SLAIN1: variants seen among roughly 807,000 people sequenced by gnomAD.
The protein encoded by SLAIN1 is SLAIN family member 1.
Under a neutral mutation model 55.4 loss-of-function variants are expected in SLAIN1, and 17 were observed. The observed-to-expected ratio is 0.31, with a 90% CI of 0.21 to 0.46. SLAIN1 has a LOEUF of 0.46. SLAIN1 is among the 20% of genes least tolerant of loss of function. The probability of loss-of-function intolerance (pLI) is 1.00; values close to 1 mark genes in which losing one functional copy is unlikely to be tolerated. For synonymous variants in SLAIN1, 348 were observed against 337.4 expected (o/e 1.03, Z -0.35); for missense variants, 682 against 785.1 (o/e 0.87, Z 1.57).
intron 4 of SLAIN1, among the ~76,000 whole-genome samples, chr13:77,749,915 G>A (rs1474920077): frequency 6.6e-6 from 1 of 152,144 alleles, no homozygotes; most frequent in Non-Finnish European, 1.5e-5. Context: ...GTAAAGATTG[G>A]TTTTAAAGAC....
At chr13:77,703,639 G>A (rs1391479503) in intron 1 of SLAIN1, among the ~76,000 whole-genome samples, 2 of 151,894 alleles carry the variant, frequency 1.3e-5, no homozygotes, top group Non-Finnish European at 2.9e-5. Context: ...AGTAAGTAAC[G>A]CTTGAACTTC....
chr13:77,748,320 C>G (rs1035340464), intron 4 of SLAIN1, among the ~76,000 whole-genome samples: 1 of 142,160 alleles, frequency 7.0e-6, no homozygotes, highest in Non-Finnish European at 1.5e-5. Flanking sequence ...ATCAGAAAGA[C>G]AATGTATTCC....
At chr13:77,725,963 C>T (rs563285075) in intron 2 of SLAIN1, among the ~76,000 whole-genome samples, 139 of 152,316 alleles carry the variant, frequency 9.1e-4, no homozygotes, top group African/African-American at 3.2e-3. Flanking sequence ...TCTTGCAGGG[C>T]CCAGGCCTAT....
At chr13:77,756,974 T>C (rs751454052) in intron 5 of SLAIN1, among the ~76,000 whole-genome samples, 2 of 152,150 alleles carry the variant, frequency 1.3e-5, no homozygotes, top group Non-Finnish European at 2.9e-5. Flanking sequence ...ACATATGCAC[T>C]TTGAAAATTC....
intron 1 of SLAIN1, among the ~76,000 whole-genome samples, chr13:77,702,794 A>T (rs957516333): frequency 3.9e-5 from 6 of 152,202 alleles, no homozygotes; most frequent in Admixed American, 2.0e-4. Flanking sequence ...CCAGCATTTT[A>T]AAAAAGTGAA....
At chr13:77,747,224 C>T (rs923745305) in intron 4 of SLAIN1, among the ~76,000 whole-genome samples, 2 of 151,920 alleles carry the variant, frequency 1.3e-5, no homozygotes, top group Non-Finnish European at 2.9e-5. Context: ...ATGACAGCCA[C>T]CATACCCGGC....
At chr13:77,702,502 A>G (rs2091040885) in intron 1 of SLAIN1, among the ~76,000 whole-genome samples, 1 of 152,074 alleles carries the variant, frequency 6.6e-6, no homozygotes, top group African/African-American at 2.4e-5. Flanking sequence ...CAGAGTACAA[A>G]CAGAGTAATT....
At chr13:77,703,904 TAC>T (rs71794184) in intron 1 of SLAIN1, among the ~76,000 whole-genome samples, 21,704 of 131,710 alleles carry the variant, frequency 0.16, 2,321 homozygotes, top group African/African-American at 0.2. Context: ...TATATATATA[TAC>T]ACACACACAT....
At chr13:77,716,331 A>AT (rs35867789) in intron 1 of SLAIN1, among the ~76,000 whole-genome samples, 138,572 of 147,126 alleles carry the variant, frequency 0.94, 65,540 homozygotes, top group East Asian at 0.99. Context: ...ATAGCTCTCC[A>AT]TTTTTTTTTT....
intron 2 of SLAIN1, among the ~76,000 whole-genome samples, chr13:77,735,059 A>C (rs1195673052): frequency 1.3e-5 from 2 of 152,036 alleles, no homozygotes; most frequent in Non-Finnish European, 2.9e-5. Flanking sequence ...AATAAAAAAG[A>C]ATGTAGAATG....
chr13:77,739,512 C>A (rs117232244), intron 2 of SLAIN1, among the ~76,000 whole-genome samples: 2,291 of 152,130 alleles, frequency 0.015, 24 homozygotes, highest in Middle Eastern at 0.027. Flanking sequence ...GCACTACCGA[C>A]CTTTTGAGTC....
At chr13:77,723,947 A>C (rs1044740107) in intron 2 of SLAIN1, among the ~76,000 whole-genome samples, 282 of 144,554 alleles carry the variant, frequency 2.0e-3, no homozygotes, top group African/African-American at 6.1e-3. Context: ...AAAAAAAAAA[A>C]CACATCTTCT....
At chr13:77,724,477 C>G (rs373313277) in intron 2 of SLAIN1, among the ~76,000 whole-genome samples, 1 of 152,146 alleles carries the variant, frequency 6.6e-6, no homozygotes, top group East Asian at 1.9e-4. Context: ...CCCGTTCAGT[C>G]TTCCTATGGC....
At chr13:77,754,132 T>C (rs1458970478) in intron 5 of SLAIN1, among the ~76,000 whole-genome samples, 2 of 152,126 alleles carry the variant, frequency 1.3e-5, no homozygotes, top group Non-Finnish European at 2.9e-5. Context: ...ATGCCCAAAC[T>C]TGGGAGGCTG....
intron 2 of SLAIN1, among the ~76,000 whole-genome samples, chr13:77,738,189 C>G (rs987692499): frequency 6.7e-6 from 1 of 150,104 alleles, no homozygotes; most frequent in Non-Finnish European, 1.5e-5. Context: ...GAGCACTACA[C>G]ACACACCCAC....
intron 1 of SLAIN1, among the ~76,000 whole-genome samples, chr13:77,703,821 G>T (rs994801559): frequency 1.3e-5 from 2 of 149,088 alleles, no homozygotes; most frequent in Non-Finnish European, 1.5e-5. Context: ...GAGATTGAAG[G>T]CTCTTAAAAT....
intron 1 of SLAIN1, among the ~76,000 whole-genome samples, chr13:77,718,193 G>A (rs1014408377): frequency 3.9e-5 from 6 of 152,042 alleles, no homozygotes; most frequent in African/African-American, 1.4e-4. Context: ...TGTCTCAAGG[G>A]CAAATCAGAG....
At chr13:77,738,811 C>T (rs1332783302) in intron 2 of SLAIN1, among the ~76,000 whole-genome samples, 2 of 151,972 alleles carry the variant, frequency 1.3e-5, no homozygotes, top group Admixed American at 6.6e-5. Flanking sequence ...AGCCAGATGC[C>T]GTGTACAGTA....
intron 2 of SLAIN1, among the ~76,000 whole-genome samples, chr13:77,729,329 T>G (rs2091335999): frequency 1.3e-5 from 2 of 152,128 alleles, no homozygotes; most frequent in African/African-American, 4.8e-5. Context: ...TCGAAAAGTG[T>G]TTTTCAAAAT....
Sources: gnomAD v4.1 joint callset for allele counts (sites outside exome capture counted in the v4.1 genomes callset) on GRCh38, gnomAD v4.1.1 for gene constraint, MANE v1.5 for transcripts, NCBI Gene and HGNC (gene_info 2026-07-23, HGNC 2026-07-21) for gene names.